ANXA5: variants seen among roughly 807,000 people sequenced by gnomAD.
The protein encoded by ANXA5 is CBP-I.
A neutral mutation model predicts 48.1 loss-of-function variants in ANXA5; 40 were observed. That is an observed-to-expected ratio of 0.83 (90% confidence interval 0.65 to 1.08). ANXA5 has a LOEUF of 1.08. ANXA5 is among the 50% of genes least tolerant of loss of function. ANXA5 has a pLI of 0.00. For synonymous variants in ANXA5, 113 were observed against 129.1 expected, an observed-to-expected ratio of 0.88 and a Z score of 0.85; for missense variants, 357 against 376.8, an observed-to-expected ratio of 0.95 and a Z score of 0.44.
At chr4:121,673,553 A>G (rs778562186) in intron 8 of ANXA5, among the ~76,000 whole-genome samples, 1 of 152,212 alleles carries the variant, frequency 6.6e-6, no homozygotes, top group Non-Finnish European at 1.5e-5. Context: ...AGTTTTGATC[A>G]CAGTATATTT....
chr4:121,691,691 A>G (rs549027890), intron 2 of ANXA5, among the ~76,000 whole-genome samples: 11 of 152,314 alleles, frequency 7.2e-5, no homozygotes, highest in African/African-American at 1.7e-4. Context: ...AGCCACTCCA[A>G]AAAACAGTAA....
At chr4:121,682,593 T>C (rs959974810) in intron 5 of ANXA5, among the ~76,000 whole-genome samples, 22 of 152,156 alleles carry the variant, frequency 1.4e-4, no homozygotes, top group African/African-American at 5.3e-4. Flanking sequence ...CCTCAGATTT[T>C]TGTTTATTCC....
chr4:121,677,249 G>A (rs1724714565), intron 8 of ANXA5, among the ~76,000 whole-genome samples: 2 of 152,112 alleles, frequency 1.3e-5, no homozygotes, highest in Non-Finnish European at 2.9e-5. Flanking sequence ...GGTGGTTCTA[G>A]GAACCCAAGT....
At chr4:121,687,985 C>T (rs1724921428) in intron 2 of ANXA5, among the ~76,000 whole-genome samples, 2 of 152,168 alleles carry the variant, frequency 1.3e-5, no homozygotes, top group Non-Finnish European at 2.9e-5. Flanking sequence ...TATGTTGAAA[C>T]CCTACCCCAC....
chr4:121,688,381 C>T (rs1243655365), intron 2 of ANXA5, among the ~76,000 whole-genome samples: 1 of 152,152 alleles, frequency 6.6e-6, no homozygotes, highest in Non-Finnish European at 1.5e-5. Flanking sequence ...GTCAGTTTAG[C>T]ACGAGTCCCC....
rs754855448 is a variant in ANXA5, at chr4:121,668,510, G to A, written c.921C>T (p.Asp307=). The change falls in exon 13 of 13, where the codon GAC becomes GAT. Residue 307 remains aspartate (D), a synonymous_variant. Coordinates refer to ENST00000296511, the MANE Select transcript of ANXA5 (RefSeq NM_001154.4). ...YSMIKGDTSG[D]YKKALLLLCG... ...AGAGCAGCAGAAGAGCTTTCTTATAGTCCCCAGATGTATCTCCCTGAAACC... is the reference window on the plus strand; with the variant it reads ...AGAGCAGCAGAAGAGCTTTCTTATAATCCCCAGATGTATCTCCCTGAAACC... 28 of 1,613,234 alleles carry A rather than the reference G, an allele frequency of 1.7e-5. No individual in the cohort carries two copies. The highest frequency in any genetic ancestry group is 3.3e-5 in the South Asian group (3 of 91,054).
intron 3 of ANXA5, 32 bp from the exon 4 acceptor site, chr4:121,684,803 C>T: frequency 3.8e-6 from 6 of 1,569,156 alleles, no homozygotes; most frequent in Non-Finnish European, 5.3e-6. Context: ...TACATTTTGG[C>T]TCCTACATGC....
At chr4:121,676,217 GC>G (rs1205509210) in intron 8 of ANXA5, among the ~76,000 whole-genome samples, 1 of 152,154 alleles carries the variant, frequency 6.6e-6, no homozygotes, top group Non-Finnish European at 1.5e-5. Context: ...GGTTGCTCTA[GC>G]CCTCTTCCCG....
intron 2 of ANXA5, among the ~76,000 whole-genome samples, chr4:121,691,001 G>A (rs1286071495): frequency 7.9e-5 from 12 of 152,184 alleles, no homozygotes; most frequent in Admixed American, 7.9e-4. Flanking sequence ...GTCTGCAAAT[G>A]TGACTTTAAA....
At chr4:121,690,461 G>A (rs1257262656) in intron 2 of ANXA5, among the ~76,000 whole-genome samples, 1 of 152,178 alleles carries the variant, frequency 6.6e-6, no homozygotes, top group Non-Finnish European at 1.5e-5. Flanking sequence ...TGGTAACTAG[G>A]AGATCTTTGG....
At chr4:121,685,571 G>T (rs574431061) in intron 3 of ANXA5, among the ~76,000 whole-genome samples, 7 of 152,296 alleles carry the variant, frequency 4.6e-5, no homozygotes, top group South Asian at 2.1e-4. Flanking sequence ...AATGGGAGAT[G>T]AGTCTGAAAA....
intron 6 of ANXA5, among the ~76,000 whole-genome samples, chr4:121,679,544 A>G (rs996749236): frequency 6.6e-6 from 1 of 152,090 alleles, no homozygotes; most frequent in African/African-American, 2.4e-5. Flanking sequence ...AAAACCATCT[A>G]TATCTGAGCC....
intron 2 of ANXA5, among the ~76,000 whole-genome samples, chr4:121,694,768 CTTTT>C (rs1725050237): frequency 1.3e-5 from 2 of 152,116 alleles, no homozygotes; most frequent in African/African-American, 4.8e-5. Context: ...CACTCTGTAT[CTTTT>C]TTAAAACATT....
chr4:121,695,134 C>G (rs192601617), intron 2 of ANXA5, among the ~76,000 whole-genome samples: 1 of 152,310 alleles, frequency 6.6e-6, no homozygotes, highest in East Asian at 1.9e-4. Flanking sequence ...ATGTACATCA[C>G]CACACCAGCA....
In ANXA5 at chr4:121,671,559, G is replaced by A. The variant is rs746594543; in HGVS notation, c.709C>T (p.Leu237Phe). The change falls in exon 10 of 13, where the codon CTC (leucine) becomes TTC (phenylalanine). Residue 237 changes from leucine (L) to phenylalanine (F), a missense_variant. Leu to Phe is a conservative substitution (Grantham distance 22). Coordinates refer to ENST00000296511, the MANE Select transcript of ANXA5 (RefSeq NM_001154.4). ...GTAAATCACCTACCAACAGCAAGGA[G>A]TAGTTGCTCTAAATTGCCAGAAGTC... is the stretch of plus-strand genomic sequence containing the variant. The part of the protein sequence containing the change: ...RETSGNLEQL[L>F]LAVVKSIRSI... 17 of 1,610,664 alleles carry A rather than the reference G, an allele frequency of 1.1e-5. No homozygotes were observed. Among genetic ancestry groups the A allele is most frequent in the African/African-American group, 1.3e-5 (1 of 74,834 alleles).
intron 2 of ANXA5, among the ~76,000 whole-genome samples, chr4:121,689,532 C>A (rs2110490230): frequency 6.6e-6 from 1 of 152,254 alleles, no homozygotes; most frequent in Non-Finnish European, 1.5e-5. Flanking sequence ...GAAAAAAATT[C>A]CAAACAGTCT....
intron 8 of ANXA5, among the ~76,000 whole-genome samples, chr4:121,676,088 T>C (rs953375244): frequency 6.6e-6 from 1 of 152,118 alleles, no homozygotes; most frequent in Non-Finnish European, 1.5e-5. Flanking sequence ...TATCCTACTC[T>C]TGACAGTAGG....
At chr4:121,684,049 A>G (rs545073702) in intron 4 of ANXA5, among the ~76,000 whole-genome samples, 63 of 152,062 alleles carry the variant, frequency 4.1e-4, no homozygotes, top group African/African-American at 1.4e-3. Flanking sequence ...TATAAGTTTC[A>G]GCATACCACA....
At chr4:121,675,649 G>T (rs1210644039) in intron 8 of ANXA5, among the ~76,000 whole-genome samples, 1 of 152,186 alleles carries the variant, frequency 6.6e-6, no homozygotes, top group Admixed American at 6.5e-5. Context: ...AGTCTCACAT[G>T]TACTCTCAGG....
Sources: allele counts gnomAD v4.1 joint callset (sites outside exome capture counted in the v4.1 genomes callset), GRCh38; gene constraint gnomAD v4.1.1; transcripts MANE v1.5; gene names NCBI Gene and HGNC (gene_info 2026-07-23, HGNC 2026-07-21).